CRACD: variants seen among roughly 807,000 people sequenced by gnomAD.
The protein encoded by CRACD is capping protein-inhibiting regulator of actin dynamics.
A neutral mutation model predicts 106.8 loss-of-function variants in CRACD; 56 were observed. That is an observed-to-expected ratio of 0.52 (90% CI 0.42 to 0.66). The LOEUF (loss-of-function observed/expected upper bound fraction) is 0.66, where lower values mean the gene tolerates loss of function less well. CRACD is among the 30% of genes least tolerant of loss of function. The probability of loss-of-function intolerance (pLI) is 0.00; values close to 1 mark genes in which losing one functional copy is unlikely to be tolerated. For missense variants in CRACD, 1,730 were observed against 1,623.2 expected, an observed-to-expected ratio of 1.07 and a Z score of -1.13; for synonymous variants, 754 against 670.8, an observed-to-expected ratio of 1.12 and a Z score of -1.92.
rs1229959324 is a variant in CRACD, at chr4:56,231,685, A to C, written c.-188-40636A>C. Among the ~76,000 whole-genome samples, 3 of 152,360 alleles carry C rather than the reference A, an allele frequency of 2.0e-5. 1 individual carries two copies. In the South Asian group the frequency reaches 6.2e-4, roughly 32 times the overall value. ...CCACAAGCCAGATACAAAAGAGTGC[A>C]TGCTACGTGCTTCCATTTACATAAA... On this transcript the variant is annotated intron_variant, in intron 2 of 10. Transcript: ENST00000682029.
intron 2 of CRACD, among the ~76,000 whole-genome samples, chr4:56,184,131 C>T (rs1327661667): frequency 5.9e-5 from 9 of 152,100 alleles, no homozygotes; most frequent in African/African-American, 1.7e-4. Context: ...AGTGCAGTGG[C>T]GCGATCTCAG....
chr4:56,273,308 T>C (rs564054392), intron 3 of CRACD, among the ~76,000 whole-genome samples: 62 of 150,910 alleles, frequency 4.1e-4, no homozygotes, highest in African/African-American at 1.1e-3. Flanking sequence ...TTCCTTCCTT[T>C]CTTCCTTCCT....
chr4:56,141,700 T>G (rs1735205475), intron 1 of CRACD, among the ~76,000 whole-genome samples: 1 of 146,800 alleles, frequency 6.8e-6, no homozygotes, highest in South Asian at 2.2e-4. Context: ...TTTTTTTTTT[T>G]TTTTTTTTTT....
chr4:56,153,623 G>A (rs753737616), intron 1 of CRACD, among the ~76,000 whole-genome samples: 13 of 152,100 alleles, frequency 8.5e-5, no homozygotes, highest in Non-Finnish European at 1.8e-4. Flanking sequence ...AGCATGTCAC[G>A]TCCTTGCTTA....
intron 1 of CRACD, among the ~76,000 whole-genome samples, chr4:56,102,767 T>C (rs1009210943): frequency 2.0e-5 from 3 of 152,236 alleles, no homozygotes; most frequent in African/African-American, 7.2e-5. Flanking sequence ...CTTCACACTC[T>C]GCTGATCCCT....
chr4:56,209,495 A>G (rs1484005212), intron 2 of CRACD, among the ~76,000 whole-genome samples: 1 of 152,056 alleles, frequency 6.6e-6, no homozygotes, highest in Admixed American at 6.6e-5. Flanking sequence ...AACTACATGA[A>G]CTCTTTAACC....
intron 2 of CRACD, among the ~76,000 whole-genome samples, chr4:56,206,291 G>C (rs1738118891): frequency 1.3e-5 from 2 of 152,174 alleles, no homozygotes; most frequent in South Asian, 4.1e-4. Context: ...AAGGACATCT[G>C]GGACCCAGGT....
chr4:56,249,523 G>A (rs1740923666), intron 2 of CRACD, among the ~76,000 whole-genome samples: 1 of 151,884 alleles, frequency 6.6e-6, no homozygotes, highest in Non-Finnish European at 1.5e-5. Context: ...CATTTTGTAG[G>A]TTGCCTGTTC....
intron 2 of CRACD, among the ~76,000 whole-genome samples, chr4:56,224,682 A>G (rs987054968): frequency 5.3e-5 from 8 of 152,322 alleles, no homozygotes; most frequent in African/African-American, 1.9e-4. Flanking sequence ...TACAACCTCT[A>G]TATTGTATAG....
At chr4:56,152,317 G>T (rs931718265) in intron 1 of CRACD, among the ~76,000 whole-genome samples, 81 of 151,810 alleles carry the variant, frequency 5.3e-4, no homozygotes, top group African/African-American at 1.9e-3. Context: ...GTGCCCAGCT[G>T]CAAATAGTTT....
chr4:56,079,897 A>C (rs1482461133), intron 1 of CRACD, among the ~76,000 whole-genome samples: 1 of 152,260 alleles, frequency 6.6e-6, no homozygotes, highest in Non-Finnish European at 1.5e-5. Context: ...TTGAATGATC[A>C]GAACATGAGC....
At chr4:56,071,591 C>A (rs1373642484) in intron 1 of CRACD, among the ~76,000 whole-genome samples, 1 of 151,552 alleles carries the variant, frequency 6.6e-6, no homozygotes, top group Admixed American at 6.6e-5. Context: ...CTCCCTGCAA[C>A]CTTTGCTTCC....
chr4:56,325,334 A>ACAAAGATAAATGTGTAAAT (rs1482827631), intron 10 of CRACD, among the ~76,000 whole-genome samples: 1 of 152,180 alleles, frequency 6.6e-6, no homozygotes, highest in African/African-American at 2.4e-5. Context: ...CTCAAAAACA[A>ACAAAGATAAATGTGTAAAT]CAAAAACAGA....
At chr4:56,096,749 G>T (rs1733612642) in intron 1 of CRACD, among the ~76,000 whole-genome samples, 1 of 152,162 alleles carries the variant, frequency 6.6e-6, no homozygotes, top group Non-Finnish European at 1.5e-5. Context: ...ACTGGTGACA[G>T]TGACAAGAGC....
At chr4:56,074,031 C>T (rs1732752751) in intron 1 of CRACD, among the ~76,000 whole-genome samples, 1 of 152,134 alleles carries the variant, frequency 6.6e-6, no homozygotes, top group South Asian at 2.1e-4. Context: ...GTTGTTATTT[C>T]TGAGGGCTCT....
intron 2 of CRACD, among the ~76,000 whole-genome samples, chr4:56,253,132 G>A (rs1405360224): frequency 6.6e-6 from 1 of 152,110 alleles, no homozygotes; most frequent in Non-Finnish European, 1.5e-5. Flanking sequence ...GATGTAAAGA[G>A]GAGACATGAA....
intron 1 of CRACD, among the ~76,000 whole-genome samples, chr4:56,148,484 G>A (rs1735472545): frequency 6.6e-6 from 1 of 151,972 alleles, no homozygotes; most frequent in South Asian, 2.1e-4. Flanking sequence ...TGTGGAGATG[G>A]GGTCTCACTA....
intron 1 of CRACD, among the ~76,000 whole-genome samples, chr4:56,165,026 G>C (rs1215772567): frequency 6.6e-6 from 1 of 152,188 alleles, no homozygotes; most frequent in Admixed American, 6.5e-5. Context: ...GGAATGTCCT[G>C]ACCCAGATGG....
chr4:56,254,106 T>A (rs1031956737), intron 2 of CRACD, among the ~76,000 whole-genome samples: 3 of 152,206 alleles, frequency 2.0e-5, no homozygotes, highest in Admixed American at 2.0e-4. Flanking sequence ...CTCCCCAGAA[T>A]AGGACCATGC....
Sources: gnomAD v4.1 joint callset for allele counts (sites outside exome capture counted in the v4.1 genomes callset) on GRCh38, gnomAD v4.1.1 for gene constraint, MANE v1.5 for transcripts, NCBI Gene and HGNC (gene_info 2026-07-23, HGNC 2026-07-21) for gene names.